The following MAP2 variants were observed in gnomAD, a reference collection of about 807,000 sequenced individuals.
MAP2 encodes microtubule-associated protein 2.
In MAP2, 14 loss-of-function variants were observed where a neutral mutation model predicts 137.6. The observed-to-expected ratio is 0.10, with a 90% confidence interval of 0.07 to 0.16. The LOEUF (loss-of-function observed/expected upper bound fraction) is 0.16. MAP2 is among the 10% of genes least tolerant of loss of function. MAP2 has a pLI of 1.00. For synonymous variants in MAP2, 786 were observed against 782.3 expected, an observed-to-expected ratio of 1.00 and a Z score of -0.08; for missense variants, 2,088 against 2,191.5, an observed-to-expected ratio of 0.95 and a Z score of 0.94.
chr2:209,661,667 C>T, intron 5 of MAP2: 1 of 985,434 alleles, frequency 1.0e-6, no homozygotes, highest in Non-Finnish European at 1.2e-6. Context: ...ATAGAAAAGG[C>T]AGTTCCACGA....
rs551699783 is a variant in MAP2, at chr2:209,581,471, G to T, written c.-107+1371G>T. On this transcript the variant is annotated intron_variant, in intron 3 of 15. Transcript: ENST00000682079. ...GCACTTCTTCTTCAGAAATTACTCA[G>T]TGGAATCGTGTATGAAATCCCCCAA... Among the ~76,000 whole-genome samples the T allele has an allele frequency of 7.9e-5, 12 of 152,266 alleles. No individual in the cohort carries two copies. In the East Asian group the frequency reaches 2.3e-3, roughly 29 times the overall value.
At chr2:209,597,087 G>GATTTA (rs2081485850) in intron 3 of MAP2, among the ~76,000 whole-genome samples, 1 of 152,110 alleles carries the variant, frequency 6.6e-6, no homozygotes. Context: ...CTACTTAAAT[G>GATTTA]GAGTAAGTGT....
intron 1 of MAP2, among the ~76,000 whole-genome samples, chr2:209,434,130 C>T (rs1294918934): frequency 6.6e-6 from 1 of 152,002 alleles, no homozygotes; most frequent in Non-Finnish European, 1.5e-5. Context: ...CAGTGTACCT[C>T]TTTATGCATA....
chr2:209,532,644 G>A (rs112992885), intron 2 of MAP2, among the ~76,000 whole-genome samples: 53 of 152,188 alleles, frequency 3.5e-4, no homozygotes, highest in African/African-American at 1.2e-3. Context: ...GGAACTGGCC[G>A]TGTTTCGATG....
rs772767824 is a variant in MAP2 at position 209,653,443 on chromosome 2, G to T, written c.262+11G>T. 1.3e-6 allele frequency: 2 copies of T among 1,576,646 alleles called. No homozygotes were observed. The highest frequency in any genetic ancestry group is 1.7e-6 in the Non-Finnish European group (2 of 1,161,194). ...ACAGAGAAACAGCAGGTAACTAAGG[G>T]CTCTACTGTCACCAAGTGCTTGCTT... On this transcript the variant is annotated intron_variant, in intron 5 of 15. Coordinates refer to ENST00000682079, the MANE Select transcript of MAP2 (RefSeq NM_001375505.1).
intron 2 of MAP2, among the ~76,000 whole-genome samples, chr2:209,518,289 A>G (rs2062803789): frequency 6.6e-6 from 1 of 152,108 alleles, no homozygotes; most frequent in South Asian, 2.1e-4. Flanking sequence ...TGATGATACA[A>G]TCAAATACTA....
At chr2:209,436,192 TAAC>T (rs1307118595) in intron 1 of MAP2, among the ~76,000 whole-genome samples, 3 of 151,100 alleles carry the variant, frequency 2.0e-5, no homozygotes, top group African/African-American at 7.3e-5. Context: ...ATATGTATGT[TAAC>T]AAATTGTCTT....
intron 2 of MAP2, among the ~76,000 whole-genome samples, chr2:209,553,856 A>G (rs1186975677): frequency 2.0e-5 from 3 of 152,108 alleles, no homozygotes; most frequent in Non-Finnish European, 4.4e-5. Flanking sequence ...TGTCAAGGAG[A>G]GTGGGGAAAG....
Position 209,594,507 on chromosome 2 carries a change from G to A in MAP2, c.-107+14407G>A, listed in dbSNP as rs555085402. On this transcript the variant is annotated intron_variant, in intron 3 of 15. Transcript: ENST00000682079. Reference sequence around the variant, plus strand: ...CAGGGTCCTACTATTAACAAAACACGTTTCCCTGGTGTTTTTTCTCTTTCT... The same window carrying A: ...CAGGGTCCTACTATTAACAAAACACATTTCCCTGGTGTTTTTTCTCTTTCT... Among the ~76,000 whole-genome samples the A allele has an allele frequency of 2.0e-4, 30 of 152,138 alleles. No individual in the cohort carries two copies. In the South Asian group the frequency reaches 2.1e-3, roughly 11 times the overall value.
intron 1 of MAP2, among the ~76,000 whole-genome samples, chr2:209,479,298 T>C (rs545074121): frequency 6.6e-6 from 1 of 152,262 alleles, no homozygotes; most frequent in East Asian, 1.9e-4. Context: ...GGGGTTTTGT[T>C]GAAATTGGCA....
chr2:209,681,669 C>A (rs1448078648), intron 7 of MAP2, among the ~76,000 whole-genome samples: 3 of 152,170 alleles, frequency 2.0e-5, no homozygotes, highest in African/African-American at 7.2e-5. Context: ...ACTTAGTTTT[C>A]ATATATTAAA....
In MAP2 at chr2:209,597,021, T is replaced by C. The variant is rs146530975; in HGVS notation, c.-107+16921T>C. Among the ~76,000 whole-genome samples the C allele has an allele frequency of 5.0e-3, 767 of 152,298 alleles. 6 individuals are homozygous for C. The highest frequency in any genetic ancestry group is 0.031 in the Middle Eastern group (9 of 294). Reference sequence around the variant, plus strand: ...TCTTTTGTAACTAGCTGTGACCATATGACTAAGTTCTGGCCTGTAAGCTAG... The same window carrying C: ...TCTTTTGTAACTAGCTGTGACCATACGACTAAGTTCTGGCCTGTAAGCTAG... On this transcript the variant is annotated intron_variant, in intron 3 of 15. Coordinates refer to ENST00000682079, the MANE Select transcript of MAP2 (RefSeq NM_001375505.1).
At chr2:209,426,458 T>C (rs1393093312) in intron 1 of MAP2, among the ~76,000 whole-genome samples, 6 of 152,230 alleles carry the variant, frequency 3.9e-5, no homozygotes, top group African/African-American at 1.4e-4. Flanking sequence ...TCAAGAATTT[T>C]GAATTTAGGA....
chr2:209,510,401 T>C (rs555990324), intron 2 of MAP2, among the ~76,000 whole-genome samples: 87 of 152,206 alleles, frequency 5.7e-4, no homozygotes, highest in African/African-American at 2.0e-3. Flanking sequence ...TAAATAGCCC[T>C]GCAATAAATA....
chr2:209,649,149 T>C (rs2094607836), intron 4 of MAP2, among the ~76,000 whole-genome samples: 1 of 152,006 alleles, frequency 6.6e-6, no homozygotes, highest in Admixed American at 6.6e-5. Flanking sequence ...TCCTCCCACC[T>C]CAGCCTCCTA....
intron 2 of MAP2, among the ~76,000 whole-genome samples, chr2:209,508,597 C>T (rs2061364629): frequency 6.6e-6 from 1 of 151,714 alleles, no homozygotes; most frequent in Admixed American, 6.6e-5. Flanking sequence ...CACACACACA[C>T]ACACACACAC....
At chr2:209,672,509 C>A (rs1366376360) in intron 5 of MAP2, among the ~76,000 whole-genome samples, 1 of 151,684 alleles carries the variant, frequency 6.6e-6, no homozygotes, top group Non-Finnish European at 1.5e-5. Flanking sequence ...ACTCTTATTC[C>A]CACTTTACAG....
At position 209,715,069 on chromosome 2, in the gene MAP2, T is replaced by C. The variant is rs533817786; in HGVS notation, c.5073+4815T>C. Reference sequence around the variant, plus strand: ...ATAATTTAATGCAAATAGCATGTTATATTGATACACTATTAAAATACATGT... The same window carrying C: ...ATAATTTAATGCAAATAGCATGTTACATTGATACACTATTAAAATACATGT... On this transcript the variant is annotated intron_variant, in intron 13 of 15. Coordinates refer to ENST00000682079, the MANE Select transcript of MAP2 (RefSeq NM_001375505.1). 9.8e-5 allele frequency among the ~76,000 whole-genome samples: 15 copies of C among 152,308 alleles called. No homozygotes were observed. In the South Asian group the frequency reaches 2.7e-3, roughly 27 times the overall value.
chr2:209,546,255 A>G (rs1033348904), intron 2 of MAP2, among the ~76,000 whole-genome samples: 1 of 152,258 alleles, frequency 6.6e-6, no homozygotes, highest in Non-Finnish European at 1.5e-5. Flanking sequence ...CACATATATA[A>G]GTATGTATAT....
Sources: gnomAD v4.1 joint callset for allele counts (sites outside exome capture counted in the v4.1 genomes callset) on GRCh38, gnomAD v4.1.1 for gene constraint, MANE v1.5 for transcripts, NCBI Gene and HGNC (gene_info 2026-07-23, HGNC 2026-07-21) for gene names.